Variants in FILIP1 observed in about 807,000 individuals in gnomAD.
FILIP1 encodes the protein filamin-A-interacting protein 1.
Under a neutral mutation model 102.1 loss-of-function variants are expected in FILIP1, and 61 were observed. The observed-to-expected ratio is 0.60, with a 90% CI of 0.49 to 0.74. FILIP1 has a LOEUF of 0.74. Ranked by LOEUF, FILIP1 falls within the 30% of genes least tolerant of loss-of-function variation. FILIP1 has a pLI of 0.00. For synonymous variants in FILIP1, 491 were observed against 526.9 expected, an observed-to-expected ratio of 0.93 and a Z score of 0.93; for missense variants, 1,314 against 1,441.2, an observed-to-expected ratio of 0.91 and a Z score of 1.43.
chr6:75,415,779 GA>G (rs1777247401), intron 1 of FILIP1, among the ~76,000 whole-genome samples: 1 of 151,994 alleles, frequency 6.6e-6, no homozygotes, highest in Non-Finnish European at 1.5e-5. Flanking sequence ...GTAAAATAAG[GA>G]AAAAAGACAA....
chr6:75,443,597 C>T (rs1427144484), intron 1 of FILIP1, among the ~76,000 whole-genome samples: 1 of 152,136 alleles, frequency 6.6e-6, no homozygotes, highest in Non-Finnish European at 1.5e-5. Flanking sequence ...AGCCTGTGGA[C>T]ATATCCTATT....
At chr6:75,349,166 C>A (rs1418926174) in intron 4 of FILIP1, among the ~76,000 whole-genome samples, 4 of 152,186 alleles carry the variant, frequency 2.6e-5, no homozygotes, top group Admixed American at 1.3e-4. Context: ...CAGATTCAAA[C>A]AACATCAAAC....
intron 2 of FILIP1, 133 bp from the exon 3 acceptor site, chr6:75,363,050 G>T: frequency 1.2e-6 from 1 of 826,574 alleles, no homozygotes; most frequent in Admixed American, 2.7e-5. Context: ...TGGGTATTCT[G>T]CTCTAATTTT....
chr6:75,407,554 C>A (rs1234010529), intron 2 of FILIP1, among the ~76,000 whole-genome samples: 1 of 152,144 alleles, frequency 6.6e-6, no homozygotes, highest in Non-Finnish European at 1.5e-5. Context: ...GTATACAACA[C>A]CTCTTCTGCC....
At chr6:75,482,656 T>C (rs967145474) in intron 1 of FILIP1, among the ~76,000 whole-genome samples, 1 of 152,242 alleles carries the variant, frequency 6.6e-6, no homozygotes, top group African/African-American at 2.4e-5. Flanking sequence ...CTAGTGAACA[T>C]TTAAAACATT....
chr6:75,399,380 C>A (rs1305370854), intron 2 of FILIP1: 2 of 152,184 alleles, frequency 1.3e-5, no homozygotes, highest in African/African-American at 4.8e-5. Context: ...TCTGTGGAAT[C>A]GGATTCTCTT....
At chr6:75,430,773 C>G (rs976749832) in intron 1 of FILIP1, among the ~76,000 whole-genome samples, 1 of 152,086 alleles carries the variant, frequency 6.6e-6, no homozygotes. Context: ...TAAAAACTTG[C>G]AAAGACAAAT....
intron 2 of FILIP1, among the ~76,000 whole-genome samples, chr6:75,369,684 C>G (rs574485321): frequency 1.1e-3 from 174 of 152,252 alleles, no homozygotes; most frequent in African/African-American, 4.1e-3. Context: ...TGCCCACGAG[C>G]CTTGGAGCTT....
At chr6:75,481,381 G>T (rs1377558322) in intron 1 of FILIP1, among the ~76,000 whole-genome samples, 1 of 152,140 alleles carries the variant, frequency 6.6e-6, no homozygotes, top group Non-Finnish European at 1.5e-5. Flanking sequence ...CCACCACTAG[G>T]ATTTAGCATC....
At chr6:75,398,501 A>G (rs2149667763) in intron 2 of FILIP1, among the ~76,000 whole-genome samples, 1 of 152,302 alleles carries the variant, frequency 6.6e-6, no homozygotes, top group East Asian at 1.9e-4. Context: ...GGCCGAAAGG[A>G]GGGAAGATCA....
intron 1 of FILIP1, among the ~76,000 whole-genome samples, chr6:75,452,101 T>G (rs1338006834): frequency 1.1e-4 from 2 of 17,942 alleles, no homozygotes; most frequent in African/African-American, 8.2e-4. Flanking sequence ...TCTACCAAAG[T>G]TTTTTTTTTT....
At chr6:75,442,465 T>C (rs576863801) in intron 1 of FILIP1, among the ~76,000 whole-genome samples, 2 of 151,948 alleles carry the variant, frequency 1.3e-5, no homozygotes, top group African/African-American at 2.4e-5. Flanking sequence ...CTGGGCACCA[T>C]TGAGCACTGA....
chr6:75,458,726 G>GA (rs1223252872), intron 1 of FILIP1: 1 of 152,176 alleles, frequency 6.6e-6, no homozygotes, highest in Non-Finnish European at 1.5e-5. Context: ...AGGGAAGAGT[G>GA]AAAACACTGG....
chr6:75,444,338 C>T (rs1187957421), intron 1 of FILIP1, among the ~76,000 whole-genome samples: 1 of 152,168 alleles, frequency 6.6e-6, no homozygotes, highest in Non-Finnish European at 1.5e-5. Context: ...AAGTTTTGAT[C>T]CTACTTGATG....
intron 2 of FILIP1, among the ~76,000 whole-genome samples, chr6:75,388,567 T>C (rs1776176642): frequency 6.6e-6 from 1 of 152,198 alleles, no homozygotes; most frequent in Admixed American, 6.5e-5. Flanking sequence ...GAGCAGTGGT[T>C]TGTAGGTCTC....
Position 75,313,525 on chromosome 6 carries a change from A to G in FILIP1, c.2307T>C (p.Val769=), listed in dbSNP as rs768030723. The change falls in exon 5 of 6, where the codon GTT becomes GTC. Residue 769 remains valine (V), a synonymous_variant. Transcript: ENST00000237172. The surrounding 1 kb of genome is among the most constrained non-coding windows in gnomAD (Gnocchi z 4.2). ...ENKNKNMGQE[V]LNLTKELELS... ...GCTCCAACTCTTTGGTCAGATTGAG[A>G]ACCTCCTGCCCCATGTTTTTGTTCT... 5 of 1,614,228 alleles carry G rather than the reference A, an allele frequency of 3.1e-6. No homozygotes were observed. Among genetic ancestry groups the G allele is most frequent in the Non-Finnish European group, 4.2e-6 (5 of 1,180,048 alleles).
At chr6:75,317,424 C>T in intron 4 of FILIP1, among the ~76,000 whole-genome samples, 1 of 152,168 alleles carries the variant, frequency 6.6e-6, no homozygotes, top group East Asian at 1.9e-4. Context: ...AGACTCAATA[C>T]ATGAATGTAA....
chr6:75,331,577 G>A (rs1043922172), intron 4 of FILIP1, among the ~76,000 whole-genome samples: 1 of 152,144 alleles, frequency 6.6e-6, no homozygotes, highest in African/African-American at 2.4e-5. Flanking sequence ...GGACATGGAT[G>A]GAGGAAGTAG....
At chr6:75,356,829 T>G (rs1432708382) in intron 3 of FILIP1, among the ~76,000 whole-genome samples, 1 of 152,200 alleles carries the variant, frequency 6.6e-6, no homozygotes, top group Non-Finnish European at 1.5e-5. Context: ...AATAGCTCCA[T>G]TCTCTATTAC....
Sources: allele counts gnomAD v4.1 joint callset (sites outside exome capture counted in the v4.1 genomes callset), GRCh38; gene constraint gnomAD v4.1.1; non-coding constraint Gnocchi (gnomAD v3.1); transcripts MANE v1.5; gene names NCBI Gene and HGNC (gene_info 2026-07-23, HGNC 2026-07-21).